ZDHHC14: variants seen among roughly 807,000 people sequenced by gnomAD.
ZDHHC14 encodes the protein palmitoyltransferase ZDHHC14.
In ZDHHC14, 16 loss-of-function variants were observed where a neutral mutation model predicts 47.7. The observed-to-expected ratio is 0.34, with a 90% CI of 0.23 to 0.51. ZDHHC14 has a LOEUF of 0.51. Among genes scored for constraint, ZDHHC14 ranks in the 20% least tolerant of loss-of-function variants. The probability of loss-of-function intolerance (pLI) is 0.97; values close to 1 mark genes in which losing one functional copy is unlikely to be tolerated. For missense variants in ZDHHC14, 515 were observed against 662.5 expected, an observed-to-expected ratio of 0.78 and a Z score of 2.44; for synonymous variants, 293 against 278.9, an observed-to-expected ratio of 1.05 and a Z score of -0.50.
intron 1 of ZDHHC14, among the ~76,000 whole-genome samples, chr6:157,517,279 G>A (rs35353455): frequency 0.54 from 82,075 of 151,320 alleles, 22,369 homozygotes; most frequent in Non-Finnish European, 0.58. Flanking sequence ...GTGTGATGGG[G>A]ACACAGTACC....
intron 1 of ZDHHC14, among the ~76,000 whole-genome samples, chr6:157,389,970 A>G (rs1458515752): frequency 6.6e-6 from 1 of 152,198 alleles, no homozygotes; most frequent in Non-Finnish European, 1.5e-5. Flanking sequence ...AGATAATTTT[A>G]AATGGACTTT....
At chr6:157,460,106 GGC>G (rs1779038270) in intron 1 of ZDHHC14, among the ~76,000 whole-genome samples, 1 of 150,958 alleles carries the variant, frequency 6.6e-6, no homozygotes, top group Non-Finnish European at 1.5e-5. Flanking sequence ...GGGGGGCTGA[GGC>G]AGGAGAATCG....
chr6:157,570,754 TACACAC>T (rs67259133), intron 2 of ZDHHC14, among the ~76,000 whole-genome samples: 45 of 142,348 alleles, frequency 3.2e-4, no homozygotes, highest in African/African-American at 5.1e-4. Flanking sequence ...TGTATATACA[TACACAC>T]ACACACACAC....
chr6:157,435,863 T>C (rs1257325917), intron 1 of ZDHHC14, among the ~76,000 whole-genome samples: 1 of 152,066 alleles, frequency 6.6e-6, no homozygotes, highest in Non-Finnish European at 1.5e-5. Context: ...CTTCACTGTA[T>C]CCCAAGGGCC....
intron 1 of ZDHHC14, among the ~76,000 whole-genome samples, chr6:157,473,086 GAT>G (rs1779391844): frequency 6.6e-6 from 1 of 152,162 alleles, no homozygotes; most frequent in South Asian, 2.1e-4. Context: ...CATGGTATGT[GAT>G]ATATGTATGC....
intron 2 of ZDHHC14, among the ~76,000 whole-genome samples, chr6:157,545,609 C>T (rs1325436253): frequency 6.6e-6 from 1 of 151,444 alleles, no homozygotes; most frequent in African/African-American, 2.4e-5. Context: ...ACCCGGGAGG[C>T]AGAGCTTGCA....
intron 1 of ZDHHC14, among the ~76,000 whole-genome samples, chr6:157,468,490 T>G (rs1219228425): frequency 2.0e-5 from 3 of 152,196 alleles, no homozygotes; most frequent in Non-Finnish European, 4.4e-5. Flanking sequence ...AGAAGGTTCT[T>G]CTCAAGGATT....
intron 8 of ZDHHC14, among the ~76,000 whole-genome samples, chr6:157,669,731 C>T (rs948647672): frequency 1.3e-5 from 2 of 152,210 alleles, no homozygotes; most frequent in African/African-American, 4.8e-5. Context: ...GTGAGGGCTC[C>T]AGAGGGGAAG....
At chr6:157,624,305 G>A (rs1785316773) in intron 3 of ZDHHC14, among the ~76,000 whole-genome samples, 1 of 152,212 alleles carries the variant, frequency 6.6e-6, no homozygotes. Flanking sequence ...TCTCCCAGCA[G>A]GACAGGATGG....
intron 1 of ZDHHC14, among the ~76,000 whole-genome samples, chr6:157,539,835 G>A (rs769592090): frequency 6.6e-6 from 1 of 151,968 alleles, no homozygotes; most frequent in Non-Finnish European, 1.5e-5. Context: ...CAAGGTAGAA[G>A]TTACCGTTAT....
At chr6:157,488,080 G>A (rs921084025) in intron 1 of ZDHHC14, among the ~76,000 whole-genome samples, 5 of 152,200 alleles carry the variant, frequency 3.3e-5, no homozygotes, top group Non-Finnish European at 4.4e-5. Context: ...CTCCCAGAGA[G>A]AAGGCATCCC....
intron 1 of ZDHHC14, among the ~76,000 whole-genome samples, chr6:157,411,392 C>A (rs1021127276): frequency 6.6e-6 from 1 of 152,110 alleles, no homozygotes; most frequent in Non-Finnish European, 1.5e-5. Flanking sequence ...GACAGAAATG[C>A]ATCTCGATAA....
intron 1 of ZDHHC14, among the ~76,000 whole-genome samples, chr6:157,447,926 C>T (rs1778718397): frequency 6.6e-6 from 1 of 152,084 alleles, no homozygotes; most frequent in African/African-American, 2.4e-5. Flanking sequence ...GGCTGGAGTG[C>T]AGTGGTGTGA....
At chr6:157,526,451 G>C (rs952923616) in intron 1 of ZDHHC14, among the ~76,000 whole-genome samples, 3 of 152,192 alleles carry the variant, frequency 2.0e-5, no homozygotes, top group Non-Finnish European at 2.9e-5. Flanking sequence ...TGGTATGGAA[G>C]TGAGTCAGGT....
chr6:157,531,715 C>T (rs1414221032), intron 1 of ZDHHC14, among the ~76,000 whole-genome samples: 1 of 152,048 alleles, frequency 6.6e-6, no homozygotes, highest in African/African-American at 2.4e-5. Flanking sequence ...GGCTGTGTGC[C>T]GAGTGCCTGA....
intron 1 of ZDHHC14, among the ~76,000 whole-genome samples, chr6:157,402,889 G>C (rs1777672861): frequency 6.6e-6 from 1 of 152,140 alleles, no homozygotes; most frequent in Non-Finnish European, 1.5e-5. Flanking sequence ...AGCACACCTG[G>C]CTAGTTTTTA....
intron 1 of ZDHHC14, among the ~76,000 whole-genome samples, chr6:157,487,716 T>G (rs1051884169): frequency 2.6e-5 from 4 of 152,168 alleles, no homozygotes; most frequent in African/African-American, 9.7e-5. Flanking sequence ...ATCTCATGAT[T>G]GTCGTTGTTA....
chr6:157,398,015 T>C (rs1777555803), intron 1 of ZDHHC14, among the ~76,000 whole-genome samples: 2 of 151,080 alleles, frequency 1.3e-5, no homozygotes, highest in South Asian at 4.2e-4. Flanking sequence ...GCTCCTCAGC[T>C]CCCGAGCCCC....
chr6:157,487,386 C>A (rs1370424160), intron 1 of ZDHHC14, among the ~76,000 whole-genome samples: 1 of 152,160 alleles, frequency 6.6e-6, no homozygotes, highest in Non-Finnish European at 1.5e-5. Context: ...CTGACCTGGT[C>A]TTCTGTCTAC....
Sources: gnomAD v4.1 joint callset for allele counts (sites outside exome capture counted in the v4.1 genomes callset) on GRCh38, gnomAD v4.1.1 for gene constraint, MANE v1.5 for transcripts, NCBI Gene and HGNC (gene_info 2026-07-23, HGNC 2026-07-21) for gene names.